Variants in OSGIN1 observed in about 807,000 individuals in gnomAD.
OSGIN1 encodes the protein oxidative stress induced growth inhibitor 1.
Under a neutral mutation model 20.1 loss-of-function variants are expected in OSGIN1, and 19 were observed. The ratio of observed to expected loss-of-function variants is 0.95; its 90% CI spans 0.66 to 1.39. OSGIN1 has a LOEUF of 1.39. Ranked by LOEUF, OSGIN1 falls within the 40% of genes most tolerant of loss-of-function variation. The pLI, the probability that OSGIN1 is intolerant of heterozygous loss-of-function variation, is 0.00. For synonymous variants in OSGIN1, 368 were observed against 297.8 expected (o/e 1.24, Z -2.43); for missense variants, 820 against 653.0 (o/e 1.26, Z -2.79).
chr16:83,954,209 A>C (rs546992193), intron 1 of OSGIN1: 1 of 152,350 alleles, frequency 6.6e-6, no homozygotes, highest in African/African-American at 2.4e-5. Context: ...CTTCAAAGGC[A>C]AAGGAGTAAA....
At chr16:83,965,004 C>CCA in intron 5 of OSGIN1, 58 bp from the exon 6 acceptor site, 1 of 863,546 alleles carries the variant, frequency 1.2e-6, no homozygotes, top group Non-Finnish European at 1.8e-6. Flanking sequence ...TCCCGTCCCA[C>CCA]CCAGCCCCCC....
intron 3 of OSGIN1, among the ~76,000 whole-genome samples, chr16:83,960,307 T>C (rs1035197197): frequency 6.6e-6 from 1 of 152,210 alleles, no homozygotes; most frequent in African/African-American, 2.4e-5. Flanking sequence ...CACACTGATA[T>C]TAGGGTAGGG....
intron 5 of OSGIN1, among the ~76,000 whole-genome samples, chr16:83,964,310 TTAA>T (rs4053381): frequency 0.28 from 42,021 of 151,274 alleles, 8,763 homozygotes; most frequent in African/African-American, 0.59. Context: ...TCTCAAAAAA[TTAA>T]AATAAAATAA....
rs201285659 is a variant in OSGIN1 at position 83,965,813 on chromosome 16, G to T, written c.1240G>T (p.Val414Leu). 6.2e-7 allele frequency: 1 copy of T among 1,612,964 alleles called. No individual in the cohort carries two copies. The change falls in exon 6 of 6, where the codon GTG (valine) becomes TTG (leucine). Residue 414 changes from valine to leucine, a missense_variant. Coordinates refer to ENST00000393306, the MANE Select transcript of OSGIN1 (RefSeq NM_182981.3). Reference sequence around the variant, plus strand: ...GCCTGGGGCAGGGGCTGACTTTGCAGTGGATCCTGACCAGCCGCTGAGCGC... The same window carrying T: ...GCCTGGGGCAGGGGCTGACTTTGCATTGGATCCTGACCAGCCGCTGAGCGC... ...FLPGAGADFA[V>L]DPDQPLSAKR...
intron 1 of OSGIN1, among the ~76,000 whole-genome samples, chr16:83,955,226 A>G (rs2255441): frequency 0.51 from 77,967 of 151,952 alleles, 20,986 homozygotes; most frequent in East Asian, 0.74. Context: ...CAGAGAAAGC[A>G]CTCTGAGACC....
In OSGIN1 at chr16:83,959,374, C is replaced by CG. The variant is rs767079297; in HGVS notation, c.187dup (p.Val63GlyfsTer28). The CG allele has an allele frequency of 6.2e-7, 1 of 1,613,800 alleles. No homozygotes were observed. Among genetic ancestry groups the CG allele is most frequent in the Admixed American group, 1.7e-5 (1 of 59,986 alleles). On this transcript the variant is annotated frameshift_variant, in exon 3 of 6. Coordinates refer to ENST00000393306, the MANE Select transcript of OSGIN1 (RefSeq NM_182981.3). LOFTEE classifies it high-confidence loss of function. ...CTGCAGAGGAAGCTCACCGAGGCCCCGGGGGTCTCCATCCTGGACCAGGTG... is the reference window on the plus strand; with the variant it reads ...CTGCAGAGGAAGCTCACCGAGGCCCCGGGGGGTCTCCATCCTGGACCAGGTG...
intron 3 of OSGIN1, among the ~76,000 whole-genome samples, chr16:83,960,140 A>T (rs1232327167): frequency 6.6e-6 from 1 of 152,218 alleles, no homozygotes; most frequent in Non-Finnish European, 1.5e-5. Context: ...TCAGTATAAT[A>T]TAGAGAGAAA....
intron 1 of OSGIN1, chr16:83,954,487 T>C (rs986692098): frequency 7.2e-5 from 11 of 152,246 alleles, no homozygotes; most frequent in African/African-American, 2.7e-4. Flanking sequence ...TTCTTCCAAC[T>C]CCGTAAAACT....
At position 83,965,525 on chromosome 16, in the gene OSGIN1, G is replaced by A. The variant is rs748853848; in HGVS notation, c.952G>A (p.Ala318Thr). 6.2e-7 allele frequency: 1 copy of A among 1,612,510 alleles called. No individual in the cohort carries two copies. The highest frequency in any genetic ancestry group is 8.5e-7 in the Non-Finnish European group (1 of 1,180,014). ...CCCGGTGATCCATGCCTTCCGCCGG[G>A]CCGTGGACGACCCTGGCCTGGTGTT... ...NIPVIHAFRR[A>T]VDDPGLVFNQ... is the part of the protein sequence containing the mutation. The change falls in exon 6 of 6, where the codon GCC (alanine) becomes ACC (threonine). Residue 318 changes from alanine (A) to threonine (T), a missense_variant. Coordinates refer to ENST00000393306, the MANE Select transcript of OSGIN1 (RefSeq NM_182981.3).
Position 83,956,083 on chromosome 16 carries a change from G to A in OSGIN1, c.-32-1557G>A, listed in dbSNP as rs76287685. 2.5e-3 allele frequency among the ~76,000 whole-genome samples: 382 copies of A among 152,306 alleles called. 3 individuals are homozygous for A. The highest frequency in any genetic ancestry group is 3.9e-3 in the Non-Finnish European group (263 of 68,004). ...GGCTCACCTCTCAAGGCTGCTGAGC[G>A]GGCTGGACGCTACTGCTTAGATGCA... is the stretch of plus-strand genomic sequence containing the variant. On this transcript the variant is annotated intron_variant, in intron 1 of 5. Transcript: ENST00000393306.
At chr16:83,962,812 A>T (rs1040934697) in intron 5 of OSGIN1, among the ~76,000 whole-genome samples, 1 of 152,338 alleles carries the variant, frequency 6.6e-6, no homozygotes, top group South Asian at 2.1e-4. Context: ...CAAAGGAGGC[A>T]ATCAGGTGTG....
intron 3 of OSGIN1, 48 bp downstream of exon 3, chr16:83,959,444 G>A (rs759968098): frequency 2.0e-6 from 3 of 1,533,700 alleles, no homozygotes; most frequent in Non-Finnish European, 2.6e-6. Context: ...ACCCGCCCTT[G>A]GAAAACTACC....
At chr16:83,959,514 A>C (rs1235317877) in intron 3 of OSGIN1, 118 bp downstream of exon 3, 1 of 1,018,942 alleles carries the variant, frequency 9.8e-7, no homozygotes, top group Non-Finnish European at 1.4e-6. Flanking sequence ...TAAACAAAGA[A>C]TTCGAGAGTC....
chr16:83,959,690 G>A (rs1909112660), intron 3 of OSGIN1, among the ~76,000 whole-genome samples: 1 of 152,158 alleles, frequency 6.6e-6, no homozygotes, highest in Non-Finnish European at 1.5e-5. Flanking sequence ...GTCATGGCAG[G>A]GTGACGGTAC....
intron 1 of OSGIN1, chr16:83,954,887 G>A (rs1908852146): frequency 3.2e-6 from 1 of 315,116 alleles, no homozygotes; most frequent in South Asian, 1.2e-4. Flanking sequence ...ACAAAGGAGG[G>A]GCAGGGCATG....
At chr16:83,954,982 C>T (rs1286942183) in intron 1 of OSGIN1, among the ~76,000 whole-genome samples, 28 of 152,298 alleles carry the variant, frequency 1.8e-4, no homozygotes. Context: ...GGTGTCAGCC[C>T]ACGGGGATCA....
Position 83,957,747 on chromosome 16 carries a change from C to G in OSGIN1, c.67+9C>G. 1 of 1,545,534 alleles carries G rather than the reference C, an allele frequency of 6.5e-7. No homozygotes were observed. The highest frequency in any genetic ancestry group is 8.8e-7 in the Non-Finnish European group (1 of 1,135,646). On this transcript the variant is annotated intron_variant, in intron 2 of 5. Transcript: ENST00000393306. ...CCCGGTCATCATTGTGGGTGAGTGT[C>G]AGGCCCCAGCCAGGGAGGGGCTCCG...
At chr16:83,964,184 G>A (rs2084248861) in intron 5 of OSGIN1, among the ~76,000 whole-genome samples, 1 of 152,088 alleles carries the variant, frequency 6.6e-6, no homozygotes, top group African/African-American at 2.4e-5. Context: ...CATGCCTGTA[G>A]TTCCAGCTGC....
Position 83,958,469 on chromosome 16 carries a change from C to A in OSGIN1, c.67+731C>A, listed in dbSNP as rs138522387. Among the ~76,000 whole-genome samples, 439 of 152,302 alleles carry A rather than the reference C, an allele frequency of 2.9e-3. 3 individuals are homozygous for A. Among genetic ancestry groups the A allele is most frequent in the African/African-American group, 9.9e-3 (411 of 41,558 alleles). On this transcript the variant is annotated intron_variant, in intron 2 of 5. Coordinates refer to ENST00000393306, the MANE Select transcript of OSGIN1 (RefSeq NM_182981.3). The stretch of plus-strand genomic sequence containing the variant: ...TGTCCTCTGTCTGCACAAATGGGGA[C>A]AGATGACCCCCCAGTATGCAGGCGT...
Sources: gnomAD v4.1 joint callset for allele counts (sites outside exome capture counted in the v4.1 genomes callset) on GRCh38, gnomAD v4.1.1 for gene constraint, MANE v1.5 for transcripts, NCBI Gene and HGNC (gene_info 2026-07-23, HGNC 2026-07-21) for gene names.